Variants in ZFPM1 observed in about 807,000 individuals in gnomAD.
ZFPM1 encodes zinc finger protein ZFPM1.
ZFPM1 carries 28 observed loss-of-function variants against 46.3 expected under a neutral mutation model. That is an observed-to-expected ratio of 0.60 (90% CI 0.45 to 0.83). The LOEUF is 0.83. ZFPM1 is among the 40% of genes least tolerant of loss of function. The probability of loss-of-function intolerance (pLI) is 0.00; values close to 1 mark genes in which losing one functional copy is unlikely to be tolerated. For missense variants in ZFPM1, 1,878 were observed against 1,432.4 expected, an observed-to-expected ratio of 1.31 and a Z score of -5.02; for synonymous variants, 957 against 675.9, an observed-to-expected ratio of 1.42 and a Z score of -6.45.
In ZFPM1 at chr16:88,527,932, C is replaced by T. The variant is rs558669096; in HGVS notation, c.506-100C>T. ...AGCCAGCCAGCCATGGCTGTGAACCCGGGTGGCCGCTCTCCTGACCCCATC... is the reference window on the plus strand; with the variant it reads ...AGCCAGCCAGCCATGGCTGTGAACCTGGGTGGCCGCTCTCCTGACCCCATC... On this transcript the variant is annotated intron_variant, in intron 5 of 9. Transcript: ENST00000319555. The T allele has an allele frequency of 1.9e-4, 238 of 1,237,010 alleles. 1 individual carries two copies. The highest frequency in any genetic ancestry group is 9.3e-4 in the South Asian group (57 of 61,384). 76.6% of individuals were successfully genotyped at this position (1,237,010 alleles called of 1,614,324 possible). A position where few individuals can be genotyped will look rare whatever the true frequency, so the allele number is the denominator to read the frequency against.
At position 88,532,634 on chromosome 16, in the gene ZFPM1, C is replaced by T. The variant is rs1178837572; in HGVS notation, c.967C>T (p.Leu323=). Residue 323 remains leucine, a synonymous_variant, in exon 8 of 10, where the codon CTG becomes TTG. Coordinates refer to ENST00000319555, the MANE Select transcript of ZFPM1 (RefSeq NM_153813.3). ...SHSGERPFVC[L]ICLSAFTTKA... is the part of the protein sequence containing the mutation. ...TCCAGGAGAGCGGCCCTTCGTGTGC[C>T]TGATCTGCCTGTCGGCCTTCACCAC... 1.6e-5 allele frequency: 25 copies of T among 1,580,574 alleles called. No individual in the cohort carries two copies. The highest frequency in any genetic ancestry group is 2.1e-5 in the Non-Finnish European group (25 of 1,163,072).
At position 88,460,871 on chromosome 16, in the gene ZFPM1, A is replaced by G. The variant is rs530724439; in HGVS notation, c.40+7193A>G. Among the ~76,000 whole-genome samples, 10 of 150,280 alleles carry G rather than the reference A, an allele frequency of 6.7e-5. No individual in the cohort carries two copies. The East Asian group carries it at 2.0e-3, about 31-fold the overall frequency. On this transcript the variant is annotated intron_variant, in intron 1 of 9. Coordinates refer to ENST00000319555, the MANE Select transcript of ZFPM1 (RefSeq NM_153813.3). ...CGGCCTCCCAGCTGTTCATGGGGCC[A>G]CTGGGCAGGCTAAGGACTGAGGGAT... is the stretch of plus-strand genomic sequence containing the variant.
chr16:88,517,670 C>T (rs1216632088), intron 4 of ZFPM1, among the ~76,000 whole-genome samples: 1 of 137,498 alleles, frequency 7.3e-6, no homozygotes, highest in Admixed American at 7.3e-5. Context: ...GGGAGGATAA[C>T]CAGGTGGATG....
intron 1 of ZFPM1, among the ~76,000 whole-genome samples, chr16:88,464,036 G>A (rs181156467): frequency 1.3e-5 from 2 of 152,346 alleles, no homozygotes; most frequent in South Asian, 2.1e-4. Flanking sequence ...GCCCTTGATC[G>A]AGGTGTTTGT....
In ZFPM1 at chr16:88,535,153, C is replaced by T; in HGVS notation, c.*174C>T. On this transcript the variant is annotated 3_prime_UTR_variant, in exon 10 of 10. Coordinates refer to ENST00000319555, the MANE Select transcript of ZFPM1 (RefSeq NM_153813.3). ...ACCCTTGGCACTTAATAAAGAAGTT[C>T]AGTTTGATGAGCATGGTGGTGGGCC... 2.7e-6 allele frequency: 2 copies of T among 746,608 alleles called. No homozygotes were observed. The highest frequency in any genetic ancestry group is 4.4e-5 in the South Asian group (1 of 22,956). 46.2% of individuals were successfully genotyped at this position (746,608 alleles called of 1,614,324 possible).
chr16:88,503,432 T>G (rs2142406114), intron 3 of ZFPM1, among the ~76,000 whole-genome samples: 2 of 129,456 alleles, frequency 1.5e-5, no homozygotes, highest in East Asian at 4.7e-4. Context: ...GGCCCACGGT[T>G]CCGGAGTGGA....
intron 3 of ZFPM1, among the ~76,000 whole-genome samples, chr16:88,510,903 G>A (rs1022411096): frequency 6.6e-6 from 1 of 152,220 alleles, no homozygotes; most frequent in Non-Finnish European, 1.5e-5. Context: ...AAGTCCTGCT[G>A]GGCCTGGCTG....
intron 1 of ZFPM1, among the ~76,000 whole-genome samples, chr16:88,455,132 GGTGTGTGTGTGTGT>G (rs4047261): frequency 0.012 from 1,663 of 141,768 alleles, 13 homozygotes; most frequent in Non-Finnish European, 0.016. Context: ...TCGGTTCTGG[GGTGTGTGTGTGTGT>G]GTGTGTGTGT....
At chr16:88,529,614 T>TCAGGGGA (rs1912623534) in intron 6 of ZFPM1, among the ~76,000 whole-genome samples, 1 of 151,486 alleles carries the variant, frequency 6.6e-6, no homozygotes, top group Non-Finnish European at 1.5e-5. Context: ...GACCCTGGAG[T>TCAGGGGA]CAGGGGACAG....
intron 1 of ZFPM1, among the ~76,000 whole-genome samples, chr16:88,465,453 G>C (rs4782369): frequency 0.34 from 52,296 of 152,174 alleles, 9,253 homozygotes; most frequent in East Asian, 0.49. Context: ...CTGTGCCTCA[G>C]TTTCCCCACC....
chr16:88,514,388 C>G lies in ZFPM1; in HGVS notation c.270C>G (p.Asp90Glu). Residue 90 changes from aspartate to glutamate, a missense_variant and splice_region_variant, in exon 4 of 10, where the codon GAC (aspartate) becomes GAG (glutamate). Asp to Glu is a conservative substitution (Grantham distance 45, BLOSUM62 2). Coordinates refer to ENST00000319555, the MANE Select transcript of ZFPM1 (RefSeq NM_153813.3). ...EEPGSPWSGPDELEPVVQDGQ... is the reference protein window; with the variant it reads ...EEPGSPWSGPEELEPVVQDGQ... The stretch of plus-strand genomic sequence containing the variant: ...CATGCCTGCGATGTCTCTCTGCAGA[C>G]GAGCTGGAGCCGGTGGTGCAGGATG... 1 of 1,563,564 alleles carries G rather than the reference C, an allele frequency of 6.4e-7. No homozygotes were observed. Among genetic ancestry groups the G allele is most frequent in the Non-Finnish European group, 8.7e-7 (1 of 1,154,832 alleles).
At chr16:88,494,406 G>T (rs1909808119) in intron 3 of ZFPM1, among the ~76,000 whole-genome samples, 2 of 152,170 alleles carry the variant, frequency 1.3e-5, no homozygotes, top group Non-Finnish European at 2.9e-5. Context: ...CACCAGTGGG[G>T]TTGTTGCAGT....
At chr16:88,482,540 G>A (rs902696361) in intron 1 of ZFPM1, among the ~76,000 whole-genome samples, 8 of 152,164 alleles carry the variant, frequency 5.3e-5, no homozygotes, top group Non-Finnish European at 1.0e-4. Context: ...CACCATCCCA[G>A]CACCTCCCTG....
intron 3 of ZFPM1, among the ~76,000 whole-genome samples, chr16:88,489,534 C>T (rs955487388): frequency 6.6e-6 from 1 of 152,210 alleles, no homozygotes; most frequent in East Asian, 1.9e-4. Context: ...CCCAGCTGGG[C>T]CGGGATTCAG....
chr16:88,520,547 AGGATGGAT>A (rs369543826), intron 4 of ZFPM1, among the ~76,000 whole-genome samples: 173 of 107,928 alleles, frequency 1.6e-3, no homozygotes, highest in Admixed American at 4.2e-3. Flanking sequence ...GGTGGCTGAA[AGGATGGAT>A]GGATGGATGG....
At chr16:88,495,728 G>A (rs1472816844) in intron 3 of ZFPM1, among the ~76,000 whole-genome samples, 1 of 152,246 alleles carries the variant, frequency 6.6e-6, no homozygotes. Context: ...CATGAGGGAA[G>A]CCGGGGCTCT....
chr16:88,479,125 C>G (rs528810846), intron 1 of ZFPM1, among the ~76,000 whole-genome samples: 18 of 152,290 alleles, frequency 1.2e-4, no homozygotes, highest in Non-Finnish European at 2.4e-4. Context: ...TGATGGATTG[C>G]GCGTGAGGTA....
chr16:88,459,514 T>TC (rs1161113343), intron 1 of ZFPM1, among the ~76,000 whole-genome samples: 15 of 145,354 alleles, frequency 1.0e-4, no homozygotes, highest in Admixed American at 9.7e-4. Flanking sequence ...ACTAACCCTC[T>TC]CCCCCTCCTA....
chr16:88,512,839 G>T (rs1343457398), intron 3 of ZFPM1: 2 of 152,050 alleles, frequency 1.3e-5, no homozygotes, highest in East Asian at 3.9e-4. Context: ...GTACAGCCAG[G>T]ACATGAGGGG....
Sources: allele counts gnomAD v4.1 joint callset (sites outside exome capture counted in the v4.1 genomes callset), GRCh38; gene constraint gnomAD v4.1.1; transcripts MANE v1.5; gene names NCBI Gene and HGNC (gene_info 2026-07-23, HGNC 2026-07-21).